Variants in LRP1B observed in about 807,000 individuals in gnomAD.
The protein encoded by LRP1B is LDL receptor related protein 1B, also known as low-density lipoprotein receptor-related protein 1B.
In LRP1B, 217 loss-of-function variants were observed where a neutral mutation model predicts 556.6. That is an observed-to-expected ratio of 0.39 (90% CI 0.35 to 0.44). The LOEUF (loss-of-function observed/expected upper bound fraction) is 0.44, where lower values mean the gene tolerates loss of function less well. LRP1B is among the 20% of genes least tolerant of loss of function. The pLI is 1.00. For synonymous variants in LRP1B, 2,047 were observed against 1,865.8 expected (o/e 1.10, Z -2.50); for missense variants, 5,053 against 5,620.8 (o/e 0.90, Z 3.23).
chr2:140,928,040 C>T lies in LRP1B; in HGVS notation c.3137-4893G>A, dbSNP rs182124755. Among the ~76,000 whole-genome samples the T allele has an allele frequency of 2.6e-5, 4 of 151,950 alleles. No individual in the cohort carries two copies. In the East Asian group the frequency reaches 7.8e-4, roughly 29 times the overall value. ...GGATTACAGGCAAGAGTCACTGTGC[C>T]CAGTCAGCAGGCATTTTTTAGGCAC... On this transcript the variant is annotated intron_variant, in intron 20 of 90. Transcript: ENST00000389484.
chr2:141,349,025 C>A (rs1259831669), intron 3 of LRP1B, among the ~76,000 whole-genome samples: 1 of 152,018 alleles, frequency 6.6e-6, no homozygotes, highest in African/African-American at 2.4e-5. Flanking sequence ...AACTCTAAGT[C>A]CATTAAACCC....
intron 2 of LRP1B, among the ~76,000 whole-genome samples, chr2:141,731,209 G>C (rs573766583): frequency 1.3e-5 from 2 of 152,080 alleles, no homozygotes; most frequent in African/African-American, 4.8e-5. Flanking sequence ...GTTACCTGGA[G>C]CATGGCCCCC....
intron 59 of LRP1B, among the ~76,000 whole-genome samples, chr2:140,482,849 G>A (rs780808289): frequency 6.6e-6 from 1 of 152,048 alleles, no homozygotes; most frequent in Non-Finnish European, 1.5e-5. Context: ...TCAAGGAAAC[G>A]GTAGTCAGTA....
At chr2:140,796,234 A>G (rs1161380870) in intron 32 of LRP1B, among the ~76,000 whole-genome samples, 3 of 152,116 alleles carry the variant, frequency 2.0e-5, no homozygotes, top group Non-Finnish European at 4.4e-5. Context: ...GCTTTTAAGT[A>G]TGAAATAGCT....
At chr2:141,630,693 T>C (rs970643997) in intron 2 of LRP1B, among the ~76,000 whole-genome samples, 7 of 152,160 alleles carry the variant, frequency 4.6e-5, no homozygotes, top group African/African-American at 1.4e-4. Flanking sequence ...TGTAATCCCA[T>C]CCTAAATAGA....
intron 2 of LRP1B, among the ~76,000 whole-genome samples, chr2:141,697,533 GTAAA>G (rs1343845178): frequency 2.0e-5 from 3 of 151,950 alleles, no homozygotes; most frequent in African/African-American, 7.2e-5. Context: ...GCACTGGAAA[GTAAA>G]TATAGATAGT....
At chr2:142,045,862 T>A (rs941325901) in intron 1 of LRP1B, among the ~76,000 whole-genome samples, 3 of 151,888 alleles carry the variant, frequency 2.0e-5, no homozygotes, top group African/African-American at 7.2e-5. Flanking sequence ...AAGTCCACAC[T>A]CTTGAGGACA....
intron 1 of LRP1B, among the ~76,000 whole-genome samples, chr2:141,918,427 T>C (rs1209857838): frequency 6.6e-6 from 1 of 152,116 alleles, no homozygotes; most frequent in Non-Finnish European, 1.5e-5. Context: ...ATCTTTTTCA[T>C]GTATGTATTT....
chr2:140,752,992 G>A (rs1036724400), intron 35 of LRP1B, among the ~76,000 whole-genome samples: 1 of 152,058 alleles, frequency 6.6e-6, no homozygotes, highest in Non-Finnish European at 1.5e-5. Context: ...ATCAAACAGA[G>A]TAGTTTCACT....
At chr2:141,025,743 C>T (rs1320692833) in intron 11 of LRP1B, among the ~76,000 whole-genome samples, 3 of 152,018 alleles carry the variant, frequency 2.0e-5, no homozygotes, top group African/African-American at 7.2e-5. Context: ...CTCTGTCTCT[C>T]TATATATACA....
At chr2:141,561,084 T>A (rs1686132513) in intron 2 of LRP1B, among the ~76,000 whole-genome samples, 1 of 151,682 alleles carries the variant, frequency 6.6e-6, no homozygotes. Context: ...GGTTAAAGAT[T>A]ATGAGCTTTT....
intron 1 of LRP1B, among the ~76,000 whole-genome samples, chr2:142,100,662 A>G (rs981200647): frequency 3.9e-5 from 6 of 152,010 alleles, no homozygotes; most frequent in Non-Finnish European, 5.9e-5. Context: ...GATAATTGTA[A>G]GTGAAAAATA....
intron 41 of LRP1B, among the ~76,000 whole-genome samples, chr2:140,672,192 A>G (rs889209400): frequency 6.6e-6 from 1 of 152,212 alleles, no homozygotes; most frequent in African/African-American, 2.4e-5. Context: ...ATGGAAGGAT[A>G]AAATGAGTCA....
chr2:140,288,151 A>AT (rs11441908), intron 84 of LRP1B, among the ~76,000 whole-genome samples: 142,261 of 146,160 alleles, frequency 0.97, 69,308 homozygotes, highest in Non-Finnish European at 1. Context: ...AAATTTGGGG[A>AT]TTTTTTTTTT....
chr2:140,323,968 A>G lies in LRP1B; in HGVS notation c.12439T>C (p.Ser4147Pro). 4 of 1,604,388 alleles carry G rather than the reference A, an allele frequency of 2.5e-6. No individual in the cohort carries two copies. The East Asian group carries it at 6.7e-5, about 27-fold the overall frequency. ...VFRVQKFGHG[S>P]VEYLALNIDK... ...ATATTTAAAGCTAAGTACTCTACTGAACCATGGCCAAATTTTTGAACTCGA... is the reference window on the plus strand; with the variant it reads ...ATATTTAAAGCTAAGTACTCTACTGGACCATGGCCAAATTTTTGAACTCGA... Residue 4147 changes from serine to proline, a missense_variant, in exon 81 of 91, where the codon TCA becomes CCA. Physicochemically the swap from Ser to Pro is moderately conservative, Grantham distance 74. This residue lies in a region of LRP1B where 551 missense variants were observed against 592.0 expected (regional missense o/e 0.93). Transcript: ENST00000389484.
intron 1 of LRP1B, among the ~76,000 whole-genome samples, chr2:141,944,521 C>G (rs1295926555): frequency 5.9e-5 from 9 of 152,056 alleles, no homozygotes; most frequent in African/African-American, 1.7e-4. Flanking sequence ...CTTTGAGACC[C>G]TTCATCTCTG....
chr2:141,166,658 T>G (rs1382293797), intron 7 of LRP1B, among the ~76,000 whole-genome samples: 1 of 151,728 alleles, frequency 6.6e-6, no homozygotes, highest in African/African-American at 2.4e-5. Context: ...TTATACCCAT[T>G]AACCATCCCC....
chr2:140,775,172 C>A (rs569598630), intron 33 of LRP1B, among the ~76,000 whole-genome samples: 22 of 152,190 alleles, frequency 1.4e-4, no homozygotes, highest in African/African-American at 5.1e-4. Flanking sequence ...AAATCCTAAT[C>A]TGATCTCCAT....
chr2:141,912,237 T>A (rs1699923667), intron 1 of LRP1B, among the ~76,000 whole-genome samples: 1 of 152,192 alleles, frequency 6.6e-6, no homozygotes, highest in Non-Finnish European at 1.5e-5. Flanking sequence ...CCCATGGTGT[T>A]GGTTTTCTGG....
Sources: gnomAD v4.1 joint callset for allele counts (sites outside exome capture counted in the v4.1 genomes callset) on GRCh38, gnomAD v4.1.1 for gene constraint, gnomAD v4.1.1 regional missense constraint, MANE v1.5 for transcripts, NCBI Gene and HGNC (gene_info 2026-07-23, HGNC 2026-07-21) for gene names.